The following GLIS3 variants were observed in gnomAD, a reference collection of about 807,000 sequenced individuals.
The protein encoded by GLIS3 is GLIS family zinc finger 3.
In GLIS3, 53 loss-of-function variants were observed where a neutral mutation model predicts 78.6. The observed-to-expected ratio is 0.67, with a 90% CI of 0.54 to 0.85. The LOEUF (loss-of-function observed/expected upper bound fraction) is 0.85. GLIS3 is among the 40% of genes least tolerant of loss of function. GLIS3 has a pLI of 0.00. For synonymous variants in GLIS3, 684 were observed against 509.9 expected, an observed-to-expected ratio of 1.34 and a Z score of -4.60; for missense variants, 1,703 against 1,231.1, an observed-to-expected ratio of 1.38 and a Z score of -5.74.
chr9:4,205,310 T>C (rs1819775557), intron 2 of GLIS3, among the ~76,000 whole-genome samples: 1 of 152,224 alleles, frequency 6.6e-6, no homozygotes, highest in Non-Finnish European at 1.5e-5. Flanking sequence ...TGTAGTCATG[T>C]GATCTGGATT....
the GLIS3 span, among the ~76,000 whole-genome samples, chr9:4,439,324 A>G: frequency 8.9e-4 from 135 of 152,364 alleles, 1 homozygote; most frequent in Middle Eastern, 0.02. Flanking sequence ...ATGTTCACAG[A>G]GTTGTGCAGC....
chr9:4,114,637 G>A (rs1048197217), intron 4 of GLIS3, among the ~76,000 whole-genome samples: 3 of 152,130 alleles, frequency 2.0e-5, no homozygotes, highest in Non-Finnish European at 2.9e-5. Context: ...GAATGGAGTC[G>A]GGTATTTTAA....
intron 2 of GLIS3, among the ~76,000 whole-genome samples, chr9:4,252,045 C>G (rs573315023): frequency 6.6e-6 from 1 of 152,226 alleles, no homozygotes; most frequent in African/African-American, 2.4e-5. Flanking sequence ...ACATTTTTTC[C>G]TTCATTTCAA....
intron 4 of GLIS3, among the ~76,000 whole-genome samples, chr9:3,985,451 G>A (rs887463983): frequency 2.0e-5 from 3 of 152,102 alleles, no homozygotes; most frequent in Non-Finnish European, 4.4e-5. Flanking sequence ...CCCAGCCCCA[G>A]TCAAAATTAA....
At chr9:4,169,039 C>T (rs1816134498) in intron 2 of GLIS3, among the ~76,000 whole-genome samples, 1 of 152,198 alleles carries the variant, frequency 6.6e-6, no homozygotes, top group Non-Finnish European at 1.5e-5. Context: ...GGTCACAGAT[C>T]ATCACCACCA....
the GLIS3 span, among the ~76,000 whole-genome samples, chr9:4,414,909 T>C: frequency 6.6e-6 from 1 of 152,120 alleles, no homozygotes; most frequent in South Asian, 2.1e-4. Flanking sequence ...AGTTTCCTTT[T>C]AGTAATTTTC....
intron 4 of GLIS3, among the ~76,000 whole-genome samples, chr9:4,055,595 A>G (rs1826079574): frequency 6.6e-6 from 1 of 152,238 alleles, no homozygotes; most frequent in Admixed American, 6.6e-5. Flanking sequence ...AGAAGGTTCA[A>G]CTTGAAATGT....
chr9:4,314,420 T>C (rs1280765976), intron 2 of GLIS3, among the ~76,000 whole-genome samples: 1 of 152,210 alleles, frequency 6.6e-6, no homozygotes, highest in Non-Finnish European at 1.5e-5. Flanking sequence ...CAAAAAAAGA[T>C]GCATGCACAC....
the GLIS3 span, among the ~76,000 whole-genome samples, chr9:4,383,684 A>C: frequency 6.6e-6 from 1 of 152,228 alleles, no homozygotes. Flanking sequence ...GAAGTCTCCA[A>C]AAGTCCCCTA....
rs370765575 is a variant in GLIS3, at chr9:4,108,229, T to C, written c.1710+9539A>G. 3.9e-5 allele frequency among the ~76,000 whole-genome samples: 6 copies of C among 152,334 alleles called. No homozygotes were observed. The East Asian group carries it at 7.7e-4, about 20-fold the overall frequency. On this transcript the variant is annotated intron_variant, in intron 4 of 10. Coordinates refer to ENST00000381971, the MANE Select transcript of GLIS3 (RefSeq NM_001042413.2). ...GGTCTAAGGAAGAGGTTTAATACTT[T>C]CTTTCTCGTTAAAATGTAGATACCC...
At chr9:4,050,364 G>C (rs961037990) in intron 4 of GLIS3, among the ~76,000 whole-genome samples, 1 of 152,016 alleles carries the variant, frequency 6.6e-6, no homozygotes, top group Non-Finnish European at 1.5e-5. Flanking sequence ...ACCAAACACC[G>C]CATGTTCTCA....
intron 2 of GLIS3, among the ~76,000 whole-genome samples, chr9:4,144,492 T>A (rs186034475): frequency 1.3e-5 from 2 of 152,304 alleles, no homozygotes; most frequent in Admixed American, 1.3e-4. Context: ...CAAAACCATA[T>A]AATTAGATGG....
chr9:4,099,637 G>C (rs1282594753), intron 4 of GLIS3, among the ~76,000 whole-genome samples: 1 of 152,156 alleles, frequency 6.6e-6, no homozygotes, highest in Non-Finnish European at 1.5e-5. Flanking sequence ...TTAGGGGAAT[G>C]TAATTCAACC....
the GLIS3 span, among the ~76,000 whole-genome samples, chr9:4,380,926 G>C: frequency 1.0e-3 from 156 of 152,144 alleles, no homozygotes; most frequent in African/African-American, 2.7e-3. Context: ...AACAATGGAG[G>C]AAAATGTACA....
chr9:3,834,393 G>A (rs1034251180), intron 9 of GLIS3, among the ~76,000 whole-genome samples: 2 of 152,184 alleles, frequency 1.3e-5, no homozygotes, highest in African/African-American at 4.8e-5. Flanking sequence ...CTTTATCTGT[G>A]CTGTCCAATA....
intron 4 of GLIS3, among the ~76,000 whole-genome samples, chr9:3,958,277 A>G (rs576459113): frequency 6.6e-6 from 1 of 152,336 alleles, no homozygotes; most frequent in South Asian, 2.1e-4. Flanking sequence ...GAAGAAAAAA[A>G]TGCACCATTT....
At chr9:4,156,768 C>G (rs540985641) in intron 2 of GLIS3, among the ~76,000 whole-genome samples, 1 of 152,030 alleles carries the variant, frequency 6.6e-6, no homozygotes, top group East Asian at 1.9e-4. Context: ...CCTGGATATG[C>G]TGAAGAACAG....
chr9:3,919,026 G>T (rs769194866), intron 6 of GLIS3, among the ~76,000 whole-genome samples: 70 of 152,304 alleles, frequency 4.6e-4, no homozygotes, highest in Non-Finnish European at 8.1e-4. Flanking sequence ...CTGAAGGATG[G>T]AATGGGGGAC....
intron 2 of GLIS3, among the ~76,000 whole-genome samples, chr9:4,321,436 A>C (rs1213910220): frequency 2.1e-5 from 2 of 97,370 alleles, no homozygotes; most frequent in African/African-American, 1.7e-4. Context: ...AAAAAAAAAA[A>C]AAAAAAAAAA....
Sources: allele counts gnomAD v4.1 joint callset (sites outside exome capture counted in the v4.1 genomes callset), GRCh38; gene constraint gnomAD v4.1.1; transcripts MANE v1.5; gene names NCBI Gene and HGNC (gene_info 2026-07-23, HGNC 2026-07-21).